AGAP1: variants seen among roughly 807,000 people sequenced by gnomAD.
AGAP1 encodes the protein ArfGAP with GTPase domain, ankyrin repeat and PH domain 1.
A neutral mutation model predicts 105.3 loss-of-function variants in AGAP1; 29 were observed. The observed-to-expected ratio is 0.28, with a 90% CI of 0.21 to 0.38. The LOEUF (loss-of-function observed/expected upper bound fraction) is 0.38. AGAP1 is among the 10% of genes least tolerant of loss of function. The pLI is 1.00. For missense variants in AGAP1, 998 were observed against 1,165.1 expected (o/e 0.86, Z 2.09); for synonymous variants, 509 against 485.9 (o/e 1.05, Z -0.63).
At chr2:235,871,571 C>G (rs1198877601) in intron 9 of AGAP1, among the ~76,000 whole-genome samples, 1 of 152,246 alleles carries the variant, frequency 6.6e-6, no homozygotes, top group Non-Finnish European at 1.5e-5. Flanking sequence ...TGCCTAGTTC[C>G]AAAGCCACTG....
intron 10 of AGAP1, among the ~76,000 whole-genome samples, chr2:235,895,428 T>C (rs1408230445): frequency 6.6e-6 from 1 of 152,196 alleles, no homozygotes; most frequent in African/African-American, 2.4e-5. Context: ...TTATCTGGCC[T>C]CCGGGTCTTC....
In AGAP1 at chr2:235,655,685, C is replaced by T. The variant is rs999243292; in HGVS notation, c.164-53494C>T. Among the ~76,000 whole-genome samples the T allele has an allele frequency of 4.6e-5, 7 of 152,196 alleles. No individual in the cohort carries two copies. The highest frequency in any genetic ancestry group is 7.3e-5 in the Non-Finnish European group (5 of 68,042). On this transcript the variant is annotated intron_variant, in intron 1 of 17. Coordinates refer to ENST00000304032, the MANE Select transcript of AGAP1 (RefSeq NM_001037131.3). The surrounding 1 kb of genome is among the most constrained non-coding windows in gnomAD (Gnocchi z 4.3). Reference sequence around the variant, plus strand: ...CTGCGTTCCAGCGAAGCAGGTGCCCCGTGTGTTGCTCTGCAAGTCCACATG... The same window carrying T: ...CTGCGTTCCAGCGAAGCAGGTGCCCTGTGTGTTGCTCTGCAAGTCCACATG...
At chr2:235,998,350 G>A (rs1290381034) in intron 13 of AGAP1, among the ~76,000 whole-genome samples, 3 of 152,204 alleles carry the variant, frequency 2.0e-5, no homozygotes, top group Non-Finnish European at 4.4e-5. Context: ...GATGACCTGA[G>A]ACATATGTCA....
intron 9 of AGAP1, among the ~76,000 whole-genome samples, chr2:235,826,391 CT>C (rs1302849044): frequency 1.3e-5 from 2 of 152,216 alleles, no homozygotes; most frequent in Admixed American, 6.5e-5. Flanking sequence ...CAGGTTCATT[CT>C]TTCTACTTTC....
At chr2:235,547,650 C>T (rs1319834320) in intron 1 of AGAP1, among the ~76,000 whole-genome samples, 6 of 152,308 alleles carry the variant, frequency 3.9e-5, no homozygotes, top group Middle Eastern at 3.4e-3. Flanking sequence ...CATACCACCA[C>T]GCTCAACTAA....
In AGAP1 at chr2:235,695,549, T is replaced by C. The variant is rs57122117; in HGVS notation, c.164-13630T>C. ...AGCCCAGTGTTTGTGCTCAGTATAT[T>C]ACACTTGATCTGTCGTGGAACTTTT... On this transcript the variant is annotated intron_variant, in intron 1 of 17. Coordinates refer to ENST00000304032, the MANE Select transcript of AGAP1 (RefSeq NM_001037131.3). Among the ~76,000 whole-genome samples the C allele has an allele frequency of 1.2e-4, 18 of 152,314 alleles. No homozygotes were observed. In the East Asian group the frequency reaches 3.5e-3, roughly 29 times the overall value.
At chr2:235,894,947 A>G (rs2050733063) in intron 10 of AGAP1, among the ~76,000 whole-genome samples, 1 of 152,174 alleles carries the variant, frequency 6.6e-6, no homozygotes, top group Admixed American at 6.5e-5. Context: ...TGAGCCTCTC[A>G]AGGTCAATTA....
chr2:235,567,600 C>T (rs1312914330), intron 1 of AGAP1, among the ~76,000 whole-genome samples: 1 of 152,162 alleles, frequency 6.6e-6, no homozygotes, highest in Non-Finnish European at 1.5e-5. Context: ...AGCTGTGAAC[C>T]CAGGTGTGTT....
rs1404059626 is a variant in AGAP1 at position 235,931,279 on chromosome 2, G to A, written c.1483+356G>A. On this transcript the variant is annotated intron_variant, in intron 12 of 17. Coordinates refer to ENST00000304032, the MANE Select transcript of AGAP1 (RefSeq NM_001037131.3). This position sits in a 1 kb window ranked among gnomAD's most constrained non-coding sequence, Gnocchi z 5.6. ...CTGATTTTATCTCCCCAATCACACTGCCCTACGTGGCGTGGCCCACACTCT... is the reference window on the plus strand; with the variant it reads ...CTGATTTTATCTCCCCAATCACACTACCCTACGTGGCGTGGCCCACACTCT... Among the ~76,000 whole-genome samples the A allele has an allele frequency of 2.0e-5, 3 of 152,134 alleles. No individual in the cohort carries two copies. Among genetic ancestry groups the A allele is most frequent in the Admixed American group, 2.0e-4 (3 of 15,278 alleles).
At chr2:235,781,269 A>G (rs1027048505) in intron 6 of AGAP1, among the ~76,000 whole-genome samples, 1 of 152,198 alleles carries the variant, frequency 6.6e-6, no homozygotes, top group Admixed American at 6.5e-5. Context: ...TCAGAGCTAT[A>G]TTGGGAGAAA....
rs1432005552 is a variant in AGAP1 at position 236,051,321 on chromosome 2, G to A, written c.2114+2040G>A. Among the ~76,000 whole-genome samples the A allele has an allele frequency of 1.3e-5, 2 of 152,304 alleles. No homozygotes were observed. Among genetic ancestry groups the A allele is most frequent in the South Asian group, 2.1e-4 (1 of 4,824 alleles). ...GCAAATAATCATTGCACACTTTCTC[G>A]TAGAAAAGCAACGGTGAGTGATGAT... On this transcript the variant is annotated intron_variant, in intron 16 of 17. Transcript: ENST00000304032. The surrounding 1 kb of genome is among the most constrained non-coding windows in gnomAD (Gnocchi z 5.9).
chr2:235,769,005 A>G lies in AGAP1; in HGVS notation c.673+18517A>G, dbSNP rs1002526988. Among the ~76,000 whole-genome samples, 17 of 152,152 alleles carry G rather than the reference A, an allele frequency of 1.1e-4. No individual in the cohort carries two copies. The highest frequency in any genetic ancestry group is 6.5e-5 in the Admixed American group (1 of 15,282). On this transcript the variant is annotated intron_variant, in intron 6 of 17. Coordinates refer to ENST00000304032, the MANE Select transcript of AGAP1 (RefSeq NM_001037131.3). This position sits in a 1 kb window ranked among gnomAD's most constrained non-coding sequence, Gnocchi z 4.4. ...AGCAAATATTCCAATAATTATACCAACTGTACTAAAGATCCCAGTACTCGA... is the reference window on the plus strand; with the variant it reads ...AGCAAATATTCCAATAATTATACCAGCTGTACTAAAGATCCCAGTACTCGA...
chr2:235,819,470 C>T (rs12469191), intron 9 of AGAP1, among the ~76,000 whole-genome samples: 43,700 of 151,940 alleles, frequency 0.29, 6,582 homozygotes, highest in Admixed American at 0.42. Context: ...CCAGGAGCCA[C>T]ACTTTGAGAT....
Position 235,799,906 on chromosome 2 carries a change from CTCT to C in AGAP1, c.957+394_957+396del, listed in dbSNP as rs1275813337. ...TATAAGCTATTACTGTCCACAGGCCCTCTTCTTCTTCTGCTGGGGTGCCTGGCG... is the reference window on the plus strand; with the variant it reads ...TATAAGCTATTACTGTCCACAGGCCCTCTTCTTCTGCTGGGGTGCCTGGCG... On this transcript the variant is annotated intron_variant, in intron 8 of 17. Transcript: ENST00000304032. This position sits in a 1 kb window ranked among gnomAD's most constrained non-coding sequence, Gnocchi z 5.0. Among the ~76,000 whole-genome samples the C allele has an allele frequency of 2.6e-5, 4 of 151,934 alleles. No homozygotes were observed. Among genetic ancestry groups the C allele is most frequent in the East Asian group, 1.9e-4 (1 of 5,154 alleles).
At chr2:235,697,701 G>A (rs890235357) in intron 1 of AGAP1, among the ~76,000 whole-genome samples, 6 of 152,062 alleles carry the variant, frequency 3.9e-5, no homozygotes, top group South Asian at 2.1e-4. Flanking sequence ...GTCTATTATT[G>A]AGCCATCCCT....
intron 1 of AGAP1, among the ~76,000 whole-genome samples, chr2:235,595,553 C>T (rs1230464976): frequency 6.6e-6 from 1 of 152,214 alleles, no homozygotes; most frequent in Non-Finnish European, 1.5e-5. Flanking sequence ...GTGGATTTGT[C>T]AGTGCCACTT....
intron 9 of AGAP1, among the ~76,000 whole-genome samples, chr2:235,873,786 G>A (rs2049563851): frequency 6.6e-6 from 1 of 152,230 alleles, no homozygotes; most frequent in Non-Finnish European, 1.5e-5. Flanking sequence ...GGAGTGCAGT[G>A]GCACAATCAC....
intron 6 of AGAP1, among the ~76,000 whole-genome samples, chr2:235,761,198 T>C (rs1009825556): frequency 1.3e-5 from 2 of 152,198 alleles, no homozygotes; most frequent in East Asian, 1.9e-4. Context: ...TTAGTGATGT[T>C]GCAGAATATT....
chr2:235,594,203 A>T (rs966931565), intron 1 of AGAP1, among the ~76,000 whole-genome samples: 1 of 152,120 alleles, frequency 6.6e-6, no homozygotes, highest in African/African-American at 2.4e-5. Flanking sequence ...TAGAGACAGA[A>T]TACAGTTCTT....
Sources: gnomAD v4.1 joint callset for allele counts (sites outside exome capture counted in the v4.1 genomes callset) on GRCh38, gnomAD v4.1.1 for gene constraint, Gnocchi (gnomAD v3.1) non-coding constraint, MANE v1.5 for transcripts, NCBI Gene and HGNC (gene_info 2026-07-23, HGNC 2026-07-21) for gene names.